Variants in ULK4 observed in about 807,000 individuals in gnomAD.
ULK4 encodes inactive serine/threonine-protein kinase ULK4.
ULK4 carries 133 observed loss-of-function variants against 160.6 expected under a neutral mutation model. That is an observed-to-expected ratio of 0.83 (90% CI 0.72 to 0.96). The LOEUF is 0.96. ULK4 is among the 40% of genes least tolerant of loss of function. The pLI is 0.00. For synonymous variants in ULK4, 534 were observed against 539.8 expected, an observed-to-expected ratio of 0.99 and a Z score of 0.15; for missense variants, 1,580 against 1,499.5, an observed-to-expected ratio of 1.05 and a Z score of -0.89.
At chr3:41,404,200 T>C (rs1011608847) in intron 34 of ULK4, among the ~76,000 whole-genome samples, 1 of 151,188 alleles carries the variant, frequency 6.6e-6, no homozygotes, top group African/African-American at 2.4e-5. Flanking sequence ...ATTGTTGATT[T>C]GTCTATTTAT....
At chr3:41,915,555 A>C (rs1698937031) in intron 8 of ULK4, 1 of 161,266 alleles carries the variant, frequency 6.2e-6, no homozygotes, top group Non-Finnish European at 1.3e-5. Flanking sequence ...TTATGACAGG[A>C]GTGTCATAAA....
At chr3:41,596,316 T>A (rs562302276) in intron 31 of ULK4, among the ~76,000 whole-genome samples, 1 of 152,244 alleles carries the variant, frequency 6.6e-6, no homozygotes, top group South Asian at 2.1e-4. Context: ...GTTGGTATAA[T>A]TGTGTATTTT....
chr3:41,426,124 G>A (rs1179919872), intron 34 of ULK4, among the ~76,000 whole-genome samples: 1 of 152,172 alleles, frequency 6.6e-6, no homozygotes, highest in Non-Finnish European at 1.5e-5. Flanking sequence ...ATCAGGGGTT[G>A]CAATCCTAGT....
intron 27 of ULK4, among the ~76,000 whole-genome samples, 176 bp downstream of exon 27, chr3:41,704,881 A>G (rs1217307009): frequency 2.6e-5 from 4 of 152,148 alleles, no homozygotes; most frequent in African/African-American, 4.8e-5. Context: ...AAACGCCAAG[A>G]AAGTCAACAA....
Position 41,628,641 on chromosome 3 carries a change from G to A in ULK4, c.3072-12924C>T, listed in dbSNP as rs151140200. Among the ~76,000 whole-genome samples the A allele has an allele frequency of 1.1e-3, 171 of 152,264 alleles. 1 individual carries two copies. In the Middle Eastern group the frequency reaches 0.017, roughly 15 times the overall value. ...GAGACAGAGAAACAAATGTAATGTG[G>A]GATCCTAGATTAAATCCTGAACCAG... is the stretch of plus-strand genomic sequence containing the variant. On this transcript the variant is annotated intron_variant, in intron 30 of 36. Transcript: ENST00000301831.
intron 17 of ULK4, among the ~76,000 whole-genome samples, chr3:41,862,288 A>C (rs2042516696): frequency 6.6e-6 from 1 of 152,160 alleles, no homozygotes; most frequent in East Asian, 1.9e-4. Flanking sequence ...AGAATTCTAA[A>C]TTCCTTCTCT....
At chr3:41,358,994 AC>A (rs1214464381) in intron 35 of ULK4, among the ~76,000 whole-genome samples, 1 of 152,190 alleles carries the variant, frequency 6.6e-6, no homozygotes, top group Non-Finnish European at 1.5e-5. Context: ...AGTAGGGCCA[AC>A]AAAATGGGTT....
At chr3:41,513,631 A>T (rs1385326450) in intron 32 of ULK4, among the ~76,000 whole-genome samples, 1 of 152,202 alleles carries the variant, frequency 6.6e-6, no homozygotes, top group African/African-American at 2.4e-5. Flanking sequence ...GAGTCCATCA[A>T]CAACAACAAG....
intron 30 of ULK4, among the ~76,000 whole-genome samples, chr3:41,635,923 A>G (rs2033934233): frequency 1.3e-5 from 2 of 152,236 alleles, no homozygotes; most frequent in Admixed American, 6.5e-5. Flanking sequence ...CATTTAAAAT[A>G]TTAGTTCTTT....
chr3:41,889,623 T>G (rs545689075), intron 16 of ULK4, among the ~76,000 whole-genome samples: 1 of 152,284 alleles, frequency 6.6e-6, no homozygotes, highest in Admixed American at 6.5e-5. Flanking sequence ...AAATAATCTG[T>G]ACAAGAAACC....
At position 41,278,572 on chromosome 3, in the gene ULK4, T is replaced by C. The variant is rs76916816; in HGVS notation, c.3679-28998A>G. On this transcript the variant is annotated intron_variant, in intron 35 of 36. Coordinates refer to ENST00000301831, the MANE Select transcript of ULK4 (RefSeq NM_017886.4). ...CCAACAGATACCTCGTACAGGCAGGTGCCCCTCTGGGACAAAGCTTCCAGA... is the reference window on the plus strand; with the variant it reads ...CCAACAGATACCTCGTACAGGCAGGCGCCCCTCTGGGACAAAGCTTCCAGA... 3.9e-3 allele frequency among the ~76,000 whole-genome samples: 589 copies of C among 152,200 alleles called. 2 individuals are homozygous for C. The highest frequency in any genetic ancestry group is 0.014 in the African/African-American group (562 of 41,524).
intron 35 of ULK4, among the ~76,000 whole-genome samples, chr3:41,338,062 T>A (rs2080601873): frequency 6.6e-6 from 1 of 152,264 alleles, no homozygotes; most frequent in Non-Finnish European, 1.5e-5. Context: ...AAAGCTTTTA[T>A]GTTCACCTTC....
At chr3:41,682,100 GT>G (rs2035943042) in intron 27 of ULK4, among the ~76,000 whole-genome samples, 2 of 152,068 alleles carry the variant, frequency 1.3e-5, no homozygotes, top group Non-Finnish European at 2.9e-5. Flanking sequence ...GTTGGCACAG[GT>G]TGGCATTAAA....
In ULK4 at chr3:41,829,053, C is replaced by T. The variant is rs368393901; in HGVS notation, c.1764+6811G>A. Among the ~76,000 whole-genome samples, 3 of 151,262 alleles carry T rather than the reference C, an allele frequency of 2.0e-5. No homozygotes were observed. The East Asian group carries it at 5.8e-4, about 29-fold the overall frequency. Reference sequence around the variant, plus strand: ...AAAAACAAGCAATGGGGAAAGGATTCCCTATTTAATAAATGGTGCTGGGAA... The same window carrying T: ...AAAAACAAGCAATGGGGAAAGGATTTCCTATTTAATAAATGGTGCTGGGAA... On this transcript the variant is annotated intron_variant, in intron 18 of 36. Coordinates refer to ENST00000301831, the MANE Select transcript of ULK4 (RefSeq NM_017886.4).
At chr3:41,791,941 A>T (rs1267960472) in intron 20 of ULK4, among the ~76,000 whole-genome samples, 1 of 152,186 alleles carries the variant, frequency 6.6e-6, no homozygotes, top group Non-Finnish European at 1.5e-5. Flanking sequence ...TATACCAGGG[A>T]TTTTTATTCA....
chr3:41,565,120 T>C lies in ULK4; in HGVS notation c.3226+905A>G, dbSNP rs1370716210. Reference sequence around the variant, plus strand: ...AATACCATACAGCCTAGGTGTATAGTAGGCTACGCCATCTAGATTTGTGTA... The same window carrying C: ...AATACCATACAGCCTAGGTGTATAGCAGGCTACGCCATCTAGATTTGTGTA... On this transcript the variant is annotated intron_variant, in intron 32 of 36. Transcript: ENST00000301831. Among the ~76,000 whole-genome samples the C allele has an allele frequency of 3.9e-5, 6 of 152,240 alleles. No individual in the cohort carries two copies. The East Asian group carries it at 1.2e-3, about 29-fold the overall frequency.
chr3:41,356,928 A>C (rs1335904900), intron 35 of ULK4, among the ~76,000 whole-genome samples: 2 of 152,168 alleles, frequency 1.3e-5, no homozygotes, highest in Non-Finnish European at 2.9e-5. Context: ...TGCACATGAA[A>C]TAGGTGAAAT....
At chr3:41,548,267 T>C (rs1691965) in intron 32 of ULK4, among the ~76,000 whole-genome samples, 77,380 of 151,668 alleles carry the variant, frequency 0.51, 19,867 homozygotes, top group Middle Eastern at 0.57. Context: ...TGGGGGTCAT[T>C]TCAATATGTC....
At chr3:41,497,913 A>C (rs1423612017) in intron 32 of ULK4, among the ~76,000 whole-genome samples, 1 of 152,170 alleles carries the variant, frequency 6.6e-6, no homozygotes, top group Non-Finnish European at 1.5e-5. Flanking sequence ...TATGTAAAGC[A>C]ACAACTGATA....
Sources: gnomAD v4.1 joint callset for allele counts (sites outside exome capture counted in the v4.1 genomes callset) on GRCh38, gnomAD v4.1.1 for gene constraint, MANE v1.5 for transcripts, NCBI Gene and HGNC (gene_info 2026-07-23, HGNC 2026-07-21) for gene names.